CDH8: variants seen among roughly 807,000 people sequenced by gnomAD.
CDH8 encodes the protein cadherin-8.
A neutral mutation model predicts 68.1 loss-of-function variants in CDH8; 17 were observed. The observed-to-expected ratio is 0.25, with a 90% CI of 0.17 to 0.37. The LOEUF (loss-of-function observed/expected upper bound fraction) is 0.37, where lower values mean the gene tolerates loss of function less well. CDH8 is among the 10% of genes least tolerant of loss of function. CDH8 has a pLI of 1.00. For missense variants in CDH8, 763 were observed against 999.3 expected (o/e 0.76, Z 3.19); for synonymous variants, 372 against 365.1 (o/e 1.02, Z -0.21).
intron 3 of CDH8, among the ~76,000 whole-genome samples, chr16:61,899,823 G>A (rs1426763244): frequency 1.9e-5 from 2 of 103,422 alleles, no homozygotes; most frequent in African/African-American, 8.6e-5. Flanking sequence ...CATCAGGAAT[G>A]TTATAAAGAC....
intron 2 of CDH8, among the ~76,000 whole-genome samples, chr16:61,976,305 C>T (rs1965433057): frequency 6.6e-6 from 1 of 152,092 alleles, no homozygotes; most frequent in Non-Finnish European, 1.5e-5. Flanking sequence ...TACAAAATAG[C>T]CCTTCAGTAC....
At chr16:61,823,310 C>T (rs896577671) in intron 5 of CDH8, among the ~76,000 whole-genome samples, 2 of 151,798 alleles carry the variant, frequency 1.3e-5, no homozygotes, top group Admixed American at 6.6e-5. Flanking sequence ...CCCCACCCCA[C>T]CTTCCCTCCT....
chr16:61,782,267 C>T (rs909816413), intron 8 of CDH8, among the ~76,000 whole-genome samples: 2 of 152,182 alleles, frequency 1.3e-5, no homozygotes, highest in African/African-American at 4.8e-5. Flanking sequence ...CGAGGCATTG[C>T]CTCACCTGGG....
intron 1 of CDH8, among the ~76,000 whole-genome samples, chr16:62,026,226 A>G (rs1902194963): frequency 6.6e-6 from 1 of 152,234 alleles, no homozygotes; most frequent in African/African-American, 2.4e-5. Flanking sequence ...AAAACCCAAT[A>G]AAGAGCCAAT....
chr16:61,993,580 A>G (rs139926879), intron 2 of CDH8, among the ~76,000 whole-genome samples: 1 of 152,364 alleles, frequency 6.6e-6, no homozygotes, highest in Non-Finnish European at 1.5e-5. Flanking sequence ...AAAATAAAAA[A>G]TAAAATATGT....
rs1023961901 is a variant in CDH8 at position 61,649,078 on chromosome 16, T to A, written c.*4530A>T. 6.6e-6 allele frequency: 1 copy of A among 151,992 alleles called. No individual in the cohort carries two copies. The highest frequency in any genetic ancestry group is 2.4e-5 in the African/African-American group (1 of 41,440). The allele number at this position is 151,992 out of a possible 1,614,324, so 9.4% of individuals were successfully genotyped here. A position where few individuals can be genotyped will look rare whatever the true frequency, so the allele number is the denominator to read the frequency against. On this transcript the variant is annotated 3_prime_UTR_variant, in exon 12 of 12. Coordinates refer to ENST00000577390, the MANE Select transcript of CDH8 (RefSeq NM_001796.5). ...ACTTTTTATAGCAAATAAAACAGTA[T>A]TGAAATTGAAAAAATATAGAAAAGT...
At chr16:61,910,237 G>T (rs1214910447) in intron 2 of CDH8, among the ~76,000 whole-genome samples, 1 of 150,760 alleles carries the variant, frequency 6.6e-6, no homozygotes, top group Non-Finnish European at 1.5e-5. Flanking sequence ...TTTTTAAAAG[G>T]TCTTAAAAAT....
At chr16:61,877,938 G>C (rs1162594391) in intron 3 of CDH8, among the ~76,000 whole-genome samples, 1 of 152,140 alleles carries the variant, frequency 6.6e-6, no homozygotes, top group Non-Finnish European at 1.5e-5. Flanking sequence ...CTTTGTGATA[G>C]CTGAAAAATT....
intron 10 of CDH8, among the ~76,000 whole-genome samples, chr16:61,685,717 T>C (rs1255464131): frequency 6.6e-6 from 1 of 151,914 alleles, no homozygotes; most frequent in Non-Finnish European, 1.5e-5. Flanking sequence ...TTATCATTAT[T>C]TTTATTACTA....
chr16:61,908,597 G>C (rs148357917), intron 2 of CDH8, among the ~76,000 whole-genome samples: 32 of 152,258 alleles, frequency 2.1e-4, no homozygotes, highest in African/African-American at 7.7e-4. Context: ...AAGAAACATT[G>C]TTTTCAGGGA....
chr16:61,807,239 G>C (rs1437990876), intron 7 of CDH8, among the ~76,000 whole-genome samples: 1 of 149,142 alleles, frequency 6.7e-6, no homozygotes, highest in Non-Finnish European at 1.5e-5. Flanking sequence ...ACCAAACATG[G>C]CATATTCTCA....
intron 3 of CDH8, among the ~76,000 whole-genome samples, chr16:61,866,320 C>T (rs1296479726): frequency 6.6e-6 from 1 of 151,982 alleles, no homozygotes; most frequent in Non-Finnish European, 1.5e-5. Flanking sequence ...ATACTATATG[C>T]CAAGCACCAA....
chr16:61,674,621 A>G (rs911820912), intron 10 of CDH8, among the ~76,000 whole-genome samples: 26 of 152,258 alleles, frequency 1.7e-4, no homozygotes, highest in African/African-American at 6.3e-4. Flanking sequence ...GAAGAAACAA[A>G]AATAAGTTAT....
chr16:61,654,632 C>G (rs1417993510), intron 11 of CDH8, among the ~76,000 whole-genome samples: 1 of 152,108 alleles, frequency 6.6e-6, no homozygotes, highest in African/African-American at 2.4e-5. Context: ...GCTGGAATGC[C>G]TCTAGCTGGG....
chr16:61,853,111 T>C (rs1962975192), intron 4 of CDH8, among the ~76,000 whole-genome samples: 1 of 152,020 alleles, frequency 6.6e-6, no homozygotes, highest in East Asian at 1.9e-4. Context: ...TAACCCTGAT[T>C]TTGTTAAAGC....
At chr16:61,865,449 T>C (rs1426068164) in intron 3 of CDH8, among the ~76,000 whole-genome samples, 1 of 152,208 alleles carries the variant, frequency 6.6e-6, no homozygotes, top group African/African-American at 2.4e-5. Context: ...ACATCTGTAA[T>C]GTGCATTGGG....
rs376806100 is a variant in CDH8, at chr16:61,913,868, T to C, written c.253-12395A>G. Among the ~76,000 whole-genome samples, 11 of 152,102 alleles carry C rather than the reference T, an allele frequency of 7.2e-5. 1 individual carries two copies. The highest frequency in any genetic ancestry group is 2.4e-4 in the African/African-American group (10 of 41,406). Reference sequence around the variant, plus strand: ...TTCCATTTCTAATCAAAAACAAAAATAATCATTTCAAGCCCACTGTTATAG... The same window carrying C: ...TTCCATTTCTAATCAAAAACAAAAACAATCATTTCAAGCCCACTGTTATAG... On this transcript the variant is annotated intron_variant, in intron 2 of 11. Transcript: ENST00000577390.
chr16:61,959,996 A>ATATATATATATGTGTG, intron 2 of CDH8, among the ~76,000 whole-genome samples: 1 of 79,074 alleles, frequency 1.3e-5, no homozygotes. Flanking sequence ...ATATATATAT[A>ATATATATATATGTGTG]TATATATATA....
At chr16:61,924,696 A>G (rs1597069753) in intron 2 of CDH8, among the ~76,000 whole-genome samples, 1 of 152,132 alleles carries the variant, frequency 6.6e-6, no homozygotes, top group Non-Finnish European at 1.5e-5. Flanking sequence ...TTTTTAAAAG[A>G]AACACTTAAA....
Sources: allele counts gnomAD v4.1 joint callset (sites outside exome capture counted in the v4.1 genomes callset), GRCh38; gene constraint gnomAD v4.1.1; transcripts MANE v1.5; gene names NCBI Gene and HGNC (gene_info 2026-07-23, HGNC 2026-07-21).